Variants in LRRC69 observed in about 807,000 individuals in gnomAD.
LRRC69 encodes the protein leucine-rich repeat-containing protein 69.
Under a neutral mutation model 37.8 loss-of-function variants are expected in LRRC69, and 42 were observed. That is an observed-to-expected ratio of 1.11 (90% CI 0.87 to 1.44). LRRC69 has a LOEUF of 1.44. Among genes scored for constraint, LRRC69 ranks in the 40% most tolerant of loss-of-function variants. The pLI is 0.00. For missense variants in LRRC69, 357 were observed against 401.9 expected, an observed-to-expected ratio of 0.89 and a Z score of 0.96; for synonymous variants, 141 against 143.1, an observed-to-expected ratio of 0.99 and a Z score of 0.11.
rs1808844684 is a variant in LRRC69 at position 91,156,844 on chromosome 8, TC to T, written c.651+21106del. Reference sequence around the variant, plus strand: ...GTTTCAATCTTCTGTGTATGGATATTCAATTTTCCCAGCACCGTTTTTTGAA... The same window carrying T: ...GTTTCAATCTTCTGTGTATGGATATTAATTTTCCCAGCACCGTTTTTTGAA... On this transcript the variant is annotated intron_variant, in intron 5 of 7. Coordinates refer to ENST00000448384, the Ensembl canonical transcript of LRRC69. Among the ~76,000 whole-genome samples the T allele has an allele frequency of 8.6e-5, 13 of 151,154 alleles. No homozygotes were observed. In the South Asian group the frequency reaches 2.7e-3, roughly 32 times the overall value.
At chr8:91,208,318 G>C (rs1235269630) in intron 7 of LRRC69, among the ~76,000 whole-genome samples, 1 of 152,080 alleles carries the variant, frequency 6.6e-6, no homozygotes, top group Non-Finnish European at 1.5e-5. Context: ...ATATAAGTGA[G>C]ACACTCGAAG....
chr8:91,117,330 T>C (rs557448031), intron 1 of LRRC69, among the ~76,000 whole-genome samples: 2 of 151,998 alleles, frequency 1.3e-5, no homozygotes, highest in Non-Finnish European at 2.9e-5. Flanking sequence ...GAGATAGAAC[T>C]GAAAAAGGTA....
At chr8:91,133,200 T>A in exon 4 of LRRC69, 1 of 1,544,564 alleles carries the variant, frequency 6.5e-7, no homozygotes, top group Non-Finnish European at 8.7e-7. Context: ...TTGTTGAACT[T>A]CAACTTAACT....
intron 1 of LRRC69, among the ~76,000 whole-genome samples, chr8:91,107,470 A>G (rs776676522): frequency 2.0e-5 from 3 of 151,606 alleles, no homozygotes; most frequent in African/African-American, 4.8e-5. Context: ...TTTACCATTC[A>G]TTTTCTTGCA....
At chr8:91,188,402 C>T (rs923906490) in intron 5 of LRRC69, among the ~76,000 whole-genome samples, 39 of 152,196 alleles carry the variant, frequency 2.6e-4, no homozygotes, top group Non-Finnish European at 2.4e-4. Context: ...CCACTTCACC[C>T]AGGCTCACAA....
intron 5 of LRRC69, among the ~76,000 whole-genome samples, chr8:91,159,471 T>A (rs1159682438): frequency 6.6e-6 from 1 of 151,262 alleles, no homozygotes; most frequent in Non-Finnish European, 1.5e-5. Context: ...AACTAAAAAT[T>A]TTTTAAACAA....
chr8:91,128,693 G>A (rs1160626812), intron 3 of LRRC69, among the ~76,000 whole-genome samples: 2 of 152,008 alleles, frequency 1.3e-5, no homozygotes, highest in African/African-American at 2.4e-5. Flanking sequence ...GGACATAAAA[G>A]GTATTAGGGT....
intron 3 of LRRC69, among the ~76,000 whole-genome samples, chr8:91,129,618 A>C (rs1392430801): frequency 5.9e-5 from 9 of 151,978 alleles, no homozygotes; most frequent in African/African-American, 1.7e-4. Flanking sequence ...CTTTCCCCAC[A>C]GGACCTGCTC....
intron 7 of LRRC69, among the ~76,000 whole-genome samples, chr8:91,213,166 G>A (rs1430100542): frequency 1.3e-5 from 2 of 152,138 alleles, no homozygotes; most frequent in Admixed American, 1.3e-4. Flanking sequence ...TGGGAGAGCA[G>A]GACCACTGTG....
intron 5 of LRRC69, among the ~76,000 whole-genome samples, chr8:91,174,494 T>C (rs7822807): frequency 0.68 from 102,833 of 152,010 alleles, 35,247 homozygotes; most frequent in African/African-American, 0.74. Context: ...TTCTGCAGTC[T>C]CCATCATGAA....
chr8:91,189,645 T>G, intron 6 of LRRC69, 22 bp downstream of exon 6: 1 of 1,426,568 alleles, frequency 7.0e-7, no homozygotes, highest in African/African-American at 1.4e-5. Flanking sequence ...CCTCATTAAC[T>G]TAAGTCTTCA....
chr8:91,145,262 G>A (rs1265968680), intron 5 of LRRC69, among the ~76,000 whole-genome samples: 1 of 151,894 alleles, frequency 6.6e-6, no homozygotes, highest in Non-Finnish European at 1.5e-5. Context: ...ACAGGGAAAG[G>A]TCCATAAAGC....
chr8:91,207,908 A>G (rs1026732971), intron 7 of LRRC69, among the ~76,000 whole-genome samples: 4 of 152,182 alleles, frequency 2.6e-5, no homozygotes, highest in Admixed American at 6.5e-5. Context: ...TTTATTAACA[A>G]TTCTGGAGGC....
At chr8:91,119,422 G>GT (rs1428172680) in intron 1 of LRRC69, among the ~76,000 whole-genome samples, 1 of 151,974 alleles carries the variant, frequency 6.6e-6, no homozygotes, top group Non-Finnish European at 1.5e-5. Context: ...CTTCATCTTA[G>GT]TTTTGACTTT....
exon 7 of LRRC69, chr8:91,200,656 A>G: frequency 6.8e-7 from 1 of 1,475,796 alleles, no homozygotes; most frequent in African/African-American, 1.5e-5. Context: ...GCAGAAAATA[A>G]CCCTTTCCTA....
At position 91,140,639 on chromosome 8, in the gene LRRC69, A is replaced by ATTTTTT. The variant is rs71266165; in HGVS notation, c.651+4927_651+4932dup. On this transcript the variant is annotated intron_variant, in intron 5 of 7. Transcript: ENST00000448384. Reference sequence around the variant, plus strand: ...TTAAATGAATATTCTTCAATATGTGATTTTTTTTTTTTTTTTTTTTTTTTT... The same window carrying ATTTTTT: ...TTAAATGAATATTCTTCAATATGTGATTTTTTTTTTTTTTTTTTTTTTTTTTTTTTT... Among the ~76,000 whole-genome samples, 24 of 23,248 alleles carry ATTTTTT rather than the reference A, an allele frequency of 1.0e-3. 5 individuals carry two copies. The highest frequency in any genetic ancestry group is 2.8e-3 in the African/African-American group (12 of 4,320). 15.3% of individuals were successfully genotyped at this position (23,248 alleles called of 152,430 possible).
intron 6 of LRRC69, among the ~76,000 whole-genome samples, chr8:91,197,706 G>A (rs1036498097): frequency 1.3e-5 from 2 of 151,986 alleles, no homozygotes; most frequent in African/African-American, 2.4e-5. Flanking sequence ...TTCGGCTCGC[G>A]CACGGTGCGC....
At chr8:91,163,206 A>G (rs942592672) in intron 5 of LRRC69, among the ~76,000 whole-genome samples, 3 of 151,290 alleles carry the variant, frequency 2.0e-5, no homozygotes, top group Non-Finnish European at 3.0e-5. Flanking sequence ...ATTTTTCTTT[A>G]TGGCACTTAC....
At chr8:91,126,864 C>G (rs1478816787) in intron 2 of LRRC69, among the ~76,000 whole-genome samples, 1 of 151,926 alleles carries the variant, frequency 6.6e-6, no homozygotes, top group Non-Finnish European at 1.5e-5. Context: ...TTTGATGAGC[C>G]TGGTTGCATC....
Sources: gnomAD v4.1 joint callset for allele counts (sites outside exome capture counted in the v4.1 genomes callset) on GRCh38, gnomAD v4.1.1 for gene constraint, MANE v1.5 for transcripts, NCBI Gene and HGNC (gene_info 2026-07-23, HGNC 2026-07-21) for gene names.